KNDC1: variants seen among roughly 807,000 people sequenced by gnomAD.
KNDC1 encodes kinase non-catalytic C-lobe domain-containing protein 1.
In KNDC1, 106 loss-of-function variants were observed where a neutral mutation model predicts 172.8. The observed-to-expected ratio is 0.61, with a 90% CI of 0.52 to 0.72. KNDC1 has a LOEUF of 0.72. Among genes scored for constraint, KNDC1 ranks in the 30% least tolerant of loss-of-function variants. The probability of loss-of-function intolerance (pLI) is 0.00; values close to 1 mark genes in which losing one functional copy is unlikely to be tolerated. For missense variants in KNDC1, 2,325 were observed against 2,394.5 expected (o/e 0.97, Z 0.61); for synonymous variants, 1,083 against 1,062.2 (o/e 1.02, Z -0.38).
chr10:133,166,921 G>A (rs1853178264), intron 1 of KNDC1, among the ~76,000 whole-genome samples: 1 of 152,176 alleles, frequency 6.6e-6, no homozygotes, highest in Admixed American at 6.5e-5. Context: ...TGTTGGCAGC[G>A]CGTGTGGTTG....
At chr10:133,196,104 T>C (rs919708615) in intron 10 of KNDC1, among the ~76,000 whole-genome samples, 2 of 152,160 alleles carry the variant, frequency 1.3e-5, no homozygotes, top group African/African-American at 2.4e-5. Context: ...CTCCAGCTTG[T>C]CCAAGAGGCC....
intron 26 of KNDC1, among the ~76,000 whole-genome samples, chr10:133,218,467 T>C (rs1845513462): frequency 6.6e-6 from 1 of 152,200 alleles, no homozygotes; most frequent in South Asian, 2.1e-4. Context: ...CCCATCTGCC[T>C]GTGGACACGA....
Position 133,160,332 on chromosome 10 carries a change from G to A in KNDC1, c.-136G>A, listed in dbSNP as rs1386435398. 6 of 270,990 alleles carry A rather than the reference G, an allele frequency of 2.2e-5. No homozygotes were observed. The highest frequency in any genetic ancestry group is 1.2e-4 in the Admixed American group (2 of 17,362). The allele number at this position is 270,990 out of a possible 1,614,324, so 16.8% of individuals were successfully genotyped here. On this transcript the variant is annotated 5_prime_UTR_variant, in exon 1 of 30. Transcript: ENST00000304613. ...CCCCGTATCCCTGACCGCGTCCCCT[G>A]GAGACACTGCGGCAGCGGCGGGCGG...
chr10:133,220,035 C>T lies in KNDC1; in HGVS notation c.4941C>T (p.Leu1647=). 4.5e-6 allele frequency: 7 copies of T among 1,557,898 alleles called. No individual in the cohort carries two copies. The highest frequency in any genetic ancestry group is 6.1e-6 in the Non-Finnish European group (7 of 1,150,834). Residue 1647 remains leucine (L), a synonymous_variant, in exon 29 of 30, where the codon CTC becomes CTT. Coordinates refer to ENST00000304613, the MANE Select transcript of KNDC1 (RefSeq NM_152643.8). ...RAQPTLPSAH[L]LAMHIQQLET... ...AGCCCACCCTGCCCTCGGCCCACCT[C>T]CTGGCCATGCACATCCAGCAGCTGG...
chr10:133,161,731 C>T (rs1852977105), intron 1 of KNDC1, among the ~76,000 whole-genome samples: 1 of 152,144 alleles, frequency 6.6e-6, no homozygotes, highest in African/African-American at 2.4e-5. Context: ...CACCTCGGCT[C>T]TGACCGAGAG....
chr10:133,201,793 C>T lies in KNDC1; in HGVS notation c.3282C>T (p.Cys1094=), dbSNP rs1203990619. Residue 1094 remains cysteine, a synonymous_variant, in exon 17 of 30, where the codon TGC becomes TGT. Coordinates refer to ENST00000304613, the MANE Select transcript of KNDC1 (RefSeq NM_152643.8). ...TCCAGAGCTGCAGCCCCGGCTGGTG[C>T]AGCGCCTTCTACGAGGCCGACTGCT... ...AGFQSCSPGW[C]SAFYEADCFG... 6.5e-7 allele frequency: 1 copy of T among 1,531,328 alleles called. No homozygotes were observed. The highest frequency in any genetic ancestry group is 2.3e-5 in the East Asian group (1 of 43,590). 94.9% of individuals were successfully genotyped at this position (1,531,328 alleles called of 1,614,324 possible). A position where few individuals can be genotyped will look rare whatever the true frequency, so the allele number is the denominator to read the frequency against.
At chr10:133,219,843 G>C in intron 28 of KNDC1, 112 bp from the exon 29 acceptor site, 6 of 1,066,424 alleles carry the variant, frequency 5.6e-6, no homozygotes, top group Non-Finnish European at 7.8e-6. Flanking sequence ...GACCCCGTGC[G>C]TGGAGAACGC....
In KNDC1 at chr10:133,201,714, G is replaced by C. The variant is rs745841636; in HGVS notation, c.3203G>C (p.Arg1068Pro). ...GGASDVEAVT[R>P]LARSKGVGPA... ...GCCTCAGACGTGGAGGCAGTGACCC[G>C]ACTGGCCAGGTCCAAAGGGGTCGGC... The change falls in exon 17 of 30, where the codon CGA becomes CCA. Residue 1068 changes from arginine (R) to proline (P), a missense_variant. Physicochemically the swap from Arg to Pro is moderately radical, Grantham distance 103. Coordinates refer to ENST00000304613, the MANE Select transcript of KNDC1 (RefSeq NM_152643.8). 3 of 1,609,366 alleles carry C rather than the reference G, an allele frequency of 1.9e-6. No individual in the cohort carries two copies. Among genetic ancestry groups the C allele is most frequent in the Non-Finnish European group, 2.5e-6 (3 of 1,178,358 alleles).
chr10:133,185,967 T>C lies in KNDC1; in HGVS notation c.626-7T>C, dbSNP rs1350188283. ...CCCAGCCGTGACCACATCTTGCTTG[T>C]GCCCAGATGTCAGCGAGAGCAGCTG... On this transcript the variant is annotated splice_region_variant and splice_polypyrimidine_tract_variant and intron_variant, in intron 5 of 29. Transcript: ENST00000304613. The C allele has an allele frequency of 7.8e-7, 1 of 1,278,192 alleles. No individual in the cohort carries two copies. The highest frequency in any genetic ancestry group is 1.0e-6 in the Non-Finnish European group (1 of 987,020). The allele number at this position is 1,278,192 out of a possible 1,614,324, so 79.2% of individuals were successfully genotyped here.
Position 133,211,828 on chromosome 10 carries a change from G to A in KNDC1, c.4206G>A (p.Lys1402=). The A allele has an allele frequency of 6.2e-7, 1 of 1,609,000 alleles. No individual in the cohort carries two copies. The highest frequency in any genetic ancestry group is 8.5e-7 in the Non-Finnish European group (1 of 1,178,970). The change falls in exon 23 of 30, where the codon AAG becomes AAA. Residue 1402 remains lysine, a synonymous_variant. Transcript: ENST00000304613. ...CCAGACCCTTCAACGCCCTCTGTAA[G>A]AGGCTCTCAGAGGACGGCATCTCCA... The part of the protein sequence containing the change: ...EDARPFNALC[K]RLSEDGISRK...
chr10:133,210,241 C>T (rs1266864865), intron 20 of KNDC1, among the ~76,000 whole-genome samples: 2 of 151,570 alleles, frequency 1.3e-5, no homozygotes, highest in South Asian at 2.1e-4. Context: ...AAAAATCAGC[C>T]GGGCATGGTA....
chr10:133,176,157 A>G (rs1057015185), intron 3 of KNDC1, among the ~76,000 whole-genome samples: 1 of 149,274 alleles, frequency 6.7e-6, no homozygotes, highest in Non-Finnish European at 1.5e-5. Context: ...TGGATGGATC[A>G]TGGGTGGGTG....
At position 133,219,966 on chromosome 10, in the gene KNDC1, G is replaced by A. The variant is rs1184962713; in HGVS notation, c.4872G>A (p.Lys1624=). 1 of 1,551,340 alleles carries A rather than the reference G, an allele frequency of 6.4e-7. No homozygotes were observed. The highest frequency in any genetic ancestry group is 1.2e-5 in the South Asian group (1 of 84,122). The stretch of plus-strand genomic sequence containing the variant: ...GGCTGGACCACCAGGTCTTCCTGAA[G>A]AGCGACAGCCTGTGTCTGATGGAAG... ...EELKAVEVFL[K]SDSLCLMEGR... The change falls in exon 29 of 30, where the codon AAG becomes AAA. Residue 1624 remains lysine (K), a synonymous_variant. Coordinates refer to ENST00000304613, the MANE Select transcript of KNDC1 (RefSeq NM_152643.8).
At chr10:133,177,200 GTAGTA>G (rs1209885710) in intron 3 of KNDC1, among the ~76,000 whole-genome samples, 11 of 138,378 alleles carry the variant, frequency 7.9e-5, no homozygotes, top group Admixed American at 2.2e-4. Flanking sequence ...GCACGTGTAT[GTAGTA>G]TAGTGTGTGT....
rs990346666 is a variant in KNDC1, at chr10:133,199,330, G to A, written c.2758+64G>A. 35 of 1,548,420 alleles carry A rather than the reference G, an allele frequency of 2.3e-5. No homozygotes were observed. In the East Asian group the frequency reaches 3.6e-4, roughly 16 times the overall value. Reference sequence around the variant, plus strand: ...CCAGGGAGAGCCCCACAGGGGACTCGGGGCCGCCCCACGCCCTTCCCCCAG... The same window carrying A: ...CCAGGGAGAGCCCCACAGGGGACTCAGGGCCGCCCCACGCCCTTCCCCCAG... On this transcript the variant is annotated intron_variant, in intron 14 of 29. Transcript: ENST00000304613.
intron 17 of KNDC1, among the ~76,000 whole-genome samples, chr10:133,203,867 C>T (rs750499455): frequency 2.6e-5 from 4 of 152,248 alleles, no homozygotes; most frequent in African/African-American, 4.8e-5. Flanking sequence ...GCGCCCCCGA[C>T]GGACATCGAG....
At position 133,207,186 on chromosome 10, in the gene KNDC1, T is replaced by G; in HGVS notation, c.3629T>G (p.Ile1210Ser). 2 of 1,609,804 alleles carry G rather than the reference T, an allele frequency of 1.2e-6. No individual in the cohort carries two copies. The highest frequency in any genetic ancestry group is 1.7e-6 in the Non-Finnish European group (2 of 1,179,032). ...WGLEPCTLPV[I>S]VNIAAAPCDT... ...CTGGAGCCCTGCACCCTCCCAGTGATCGTGAACATCGCGGCCGCACCCTGC... is the reference window on the plus strand; with the variant it reads ...CTGGAGCCCTGCACCCTCCCAGTGAGCGTGAACATCGCGGCCGCACCCTGC... The change falls in exon 20 of 30, where the codon ATC becomes AGC. Residue 1210 changes from isoleucine (I) to serine (S), a missense_variant. Physicochemically the swap from Ile to Ser is moderately radical, Grantham distance 142. Transcript: ENST00000304613.
At chr10:133,180,867 C>T (rs907891275) in intron 3 of KNDC1, among the ~76,000 whole-genome samples, 1 of 152,240 alleles carries the variant, frequency 6.6e-6, no homozygotes, top group Non-Finnish European at 1.5e-5. Flanking sequence ...TTCATAATTA[C>T]AAAAATGCAA....
Position 133,201,874 on chromosome 10 carries a change from G to C in KNDC1, c.3363G>C (p.Gly1121=), listed in dbSNP as rs1854381300. The C allele has an allele frequency of 6.8e-7, 1 of 1,472,516 alleles. No individual in the cohort carries two copies. Among genetic ancestry groups the C allele is most frequent in the Non-Finnish European group, 9.0e-7 (1 of 1,113,632 alleles). 91.2% of individuals were successfully genotyped at this position (1,472,516 alleles called of 1,614,324 possible). A position where few individuals can be genotyped will look rare whatever the true frequency, so the allele number is the denominator to read the frequency against. The part of the protein sequence containing the change: ...VKDLGRQQAD[G]ALPDAQSPEL... The stretch of plus-strand genomic sequence containing the variant: ...ACCTGGGGCGGCAGCAGGCGGACGG[G>C]GCCCTGCCCGACGCCCAGAGCCCGG... Residue 1121 remains glycine, a synonymous_variant, in exon 17 of 30, where the codon GGG becomes GGC. Transcript: ENST00000304613.
Sources: gnomAD v4.1 joint callset for allele counts (sites outside exome capture counted in the v4.1 genomes callset) on GRCh38, gnomAD v4.1.1 for gene constraint, MANE v1.5 for transcripts, NCBI Gene and HGNC (gene_info 2026-07-23, HGNC 2026-07-21) for gene names.